Variants in GRK5 observed in about 807,000 individuals in gnomAD.
GRK5 encodes G protein-coupled receptor kinase 5.
GRK5 carries 40 observed loss-of-function variants against 78.4 expected under a neutral mutation model. The observed-to-expected ratio is 0.51, with a 90% CI of 0.40 to 0.66. The LOEUF (loss-of-function observed/expected upper bound fraction) is 0.66. Ranked by LOEUF, GRK5 falls within the 30% of genes least tolerant of loss-of-function variation. GRK5 has a pLI of 0.00. For missense variants in GRK5, 598 were observed against 759.9 expected (o/e 0.79, Z 2.50); for synonymous variants, 289 against 296.8 (o/e 0.97, Z 0.27).
At chr10:119,297,723 G>A (rs1406369969) in intron 1 of GRK5, among the ~76,000 whole-genome samples, 1 of 152,188 alleles carries the variant, frequency 6.6e-6, no homozygotes, top group Non-Finnish European at 1.5e-5. Flanking sequence ...CCACCACAGA[G>A]TGATGTAGCG....
intron 1 of GRK5, among the ~76,000 whole-genome samples, chr10:119,306,863 G>T (rs148743506): frequency 6.6e-6 from 1 of 152,226 alleles, no homozygotes; most frequent in African/African-American, 2.4e-5. Context: ...GAGACATGGG[G>T]GATGCTTCTT....
chr10:119,411,366 G>C (rs909961290), intron 4 of GRK5, among the ~76,000 whole-genome samples: 1 of 152,144 alleles, frequency 6.6e-6, no homozygotes, highest in Non-Finnish European at 1.5e-5. Flanking sequence ...CAAGACTCCA[G>C]AGAGCCCAGA....
At position 119,267,406 on chromosome 10, in the gene GRK5, T is replaced by C. The variant is rs563695770; in HGVS notation, c.53-59110T>C. On this transcript the variant is annotated intron_variant, in intron 1 of 15. Coordinates refer to ENST00000392870, the MANE Select transcript of GRK5 (RefSeq NM_005308.3). The surrounding 1 kb of genome is among the most constrained non-coding windows in gnomAD (Gnocchi z 4.1). ...TGTGTTTTGTTGTCTGGCGCTGCTT[T>C]AGATGACCCCTGCTGCTGTCAGATT... Among the ~76,000 whole-genome samples the C allele has an allele frequency of 3.3e-5, 5 of 152,180 alleles. No homozygotes were observed. The highest frequency in any genetic ancestry group is 5.9e-5 in the Non-Finnish European group (4 of 68,026).
intron 9 of GRK5, among the ~76,000 whole-genome samples, chr10:119,438,874 A>G (rs1202954797): frequency 6.6e-6 from 1 of 152,230 alleles, no homozygotes; most frequent in African/African-American, 2.4e-5. Context: ...ACAAACACCA[A>G]TTATCATTTG....
rs564820416 is a variant in GRK5, at chr10:119,272,797, G to C, written c.53-53719G>C. Among the ~76,000 whole-genome samples, 7 of 152,256 alleles carry C rather than the reference G, an allele frequency of 4.6e-5. No individual in the cohort carries two copies. The East Asian group carries it at 1.2e-3, about 25-fold the overall frequency. On this transcript the variant is annotated intron_variant, in intron 1 of 15. Coordinates refer to ENST00000392870, the MANE Select transcript of GRK5 (RefSeq NM_005308.3). The stretch of plus-strand genomic sequence containing the variant: ...AGTGGGGAGCAGAGGAGGTGTCATG[G>C]TCCTTAAGGCCTGACCTGTCAGATA...
intron 1 of GRK5, among the ~76,000 whole-genome samples, chr10:119,242,109 A>C (rs1355951862): frequency 6.6e-6 from 1 of 152,142 alleles, no homozygotes; most frequent in Non-Finnish European, 1.5e-5. Flanking sequence ...CCCTGCTTTT[A>C]GGCAGAAGAA....
intron 2 of GRK5, among the ~76,000 whole-genome samples, chr10:119,368,992 C>G (rs1018446301): frequency 6.6e-6 from 1 of 152,184 alleles, no homozygotes; most frequent in African/African-American, 2.4e-5. Flanking sequence ...TCACAGTGAT[C>G]TGTTTGTTGG....
At chr10:119,258,540 C>T (rs890164142) in intron 1 of GRK5, among the ~76,000 whole-genome samples, 4 of 152,226 alleles carry the variant, frequency 2.6e-5, no homozygotes, top group Non-Finnish European at 5.9e-5. Context: ...CTTGCATTCT[C>T]AACAGTGATG....
At chr10:119,247,892 T>TC (rs1849138313) in intron 1 of GRK5, among the ~76,000 whole-genome samples, 2 of 151,858 alleles carry the variant, frequency 1.3e-5, no homozygotes, top group South Asian at 2.1e-4. Flanking sequence ...ATCATGAAAG[T>TC]CCCCCCCACC....
intron 1 of GRK5, among the ~76,000 whole-genome samples, chr10:119,230,396 T>TA: frequency 6.6e-6 from 1 of 152,240 alleles, no homozygotes; most frequent in South Asian, 2.1e-4. Flanking sequence ...TTAATGGACT[T>TA]ACAGTTCTAC....
At chr10:119,335,438 A>G (rs964045598) in intron 2 of GRK5, among the ~76,000 whole-genome samples, 29 of 152,122 alleles carry the variant, frequency 1.9e-4, no homozygotes, top group Admixed American at 6.5e-4. Flanking sequence ...ATCTTGGCTC[A>G]TTGCAACCTC....
chr10:119,244,071 G>A (rs1398094285), intron 1 of GRK5, among the ~76,000 whole-genome samples: 1 of 152,230 alleles, frequency 6.6e-6, no homozygotes, highest in East Asian at 1.9e-4. Context: ...AAGTAGTTAA[G>A]GCTTATGAGC....
At position 119,264,359 on chromosome 10, in the gene GRK5, T is replaced by A. The variant is rs1314155410; in HGVS notation, c.52+56390T>A. On this transcript the variant is annotated intron_variant, in intron 1 of 15. Transcript: ENST00000392870. The surrounding 1 kb of genome is among the most constrained non-coding windows in gnomAD (Gnocchi z 4.1). Reference sequence around the variant, plus strand: ...TGTGCTTGGGAAGTTGAGTCCTGGGTGGGGCTCAAGTCCTACCATCTGGTG... The same window carrying A: ...TGTGCTTGGGAAGTTGAGTCCTGGGAGGGGCTCAAGTCCTACCATCTGGTG... Among the ~76,000 whole-genome samples, 2 of 152,158 alleles carry A rather than the reference T, an allele frequency of 1.3e-5. No homozygotes were observed. The highest frequency in any genetic ancestry group is 2.9e-5 in the Non-Finnish European group (2 of 68,024).
intron 2 of GRK5, among the ~76,000 whole-genome samples, chr10:119,363,946 G>T (rs183726768): frequency 1.3e-5 from 2 of 152,324 alleles, no homozygotes; most frequent in Admixed American, 1.3e-4. Context: ...GCTGGGATAT[G>T]CGTCCAGGAG....
chr10:119,381,724 A>G (rs1851712629), intron 3 of GRK5, among the ~76,000 whole-genome samples: 1 of 152,128 alleles, frequency 6.6e-6, no homozygotes, highest in Non-Finnish European at 1.5e-5. Flanking sequence ...GAGAGCGGTC[A>G]TGAAGGGTGT....
Position 119,396,717 on chromosome 10 carries a change from A to G in GRK5, c.284A>G (p.Asp95Gly). 1 of 1,613,492 alleles carries G rather than the reference A, an allele frequency of 6.2e-7. No homozygotes were observed. Among genetic ancestry groups the G allele is most frequent in the Admixed American group, 1.7e-5 (1 of 60,028 alleles). The change falls in exon 4 of 16, where the codon GAT becomes GGT. Residue 95 changes from aspartate (D) to glycine (G), a missense_variant. Asp to Gly is a moderately conservative substitution (Grantham distance 94, BLOSUM62 -1). Transcript: ENST00000392870. ...DSVAEYEVTP[D>G]EKLGEKGKEI... ...TAGGCAGAATATGAAGTTACTCCAG[A>G]TGAAAAACTGGGAGAGAAAGGGAAG...
Position 119,261,020 on chromosome 10 carries a change from T to C in GRK5, c.52+53051T>C, listed in dbSNP as rs1589707971. On this transcript the variant is annotated intron_variant, in intron 1 of 15. Transcript: ENST00000392870. ...CCCCTCACCTCCCGGACGGGGCGGC[T>C]GGCCGGGCAGGGGGCTGACCCCCCC... 6.4e-5 allele frequency among the ~76,000 whole-genome samples: 8 copies of C among 124,310 alleles called. No homozygotes were observed. The East Asian group carries it at 7.8e-4, about 12-fold the overall frequency. The allele number at this position is 124,310 out of a possible 152,430, so 81.6% of individuals were successfully genotyped here.
At chr10:119,410,595 C>T (rs539233742) in intron 4 of GRK5, among the ~76,000 whole-genome samples, 4 of 152,302 alleles carry the variant, frequency 2.6e-5, no homozygotes, top group Admixed American at 1.3e-4. Flanking sequence ...CCCAGCACTT[C>T]CCAGCCACAC....
At chr10:119,228,393 G>A (rs921198773) in intron 1 of GRK5, among the ~76,000 whole-genome samples, 4 of 148,714 alleles carry the variant, frequency 2.7e-5, no homozygotes, top group African/African-American at 1.0e-4. Flanking sequence ...CCGCAAAAAC[G>A]TTATGGAGAT....
Sources: gnomAD v4.1 joint callset for allele counts (sites outside exome capture counted in the v4.1 genomes callset) on GRCh38, gnomAD v4.1.1 for gene constraint, Gnocchi (gnomAD v3.1) non-coding constraint, MANE v1.5 for transcripts, NCBI Gene and HGNC (gene_info 2026-07-23, HGNC 2026-07-21) for gene names.